The following DST variants were observed in gnomAD, a reference collection of about 807,000 sequenced individuals.
DST encodes the protein dystonin, also known as bullous pemphigoid antigen.
Under a neutral mutation model 875.2 loss-of-function variants are expected in DST, and 253 were observed. That is an observed-to-expected ratio of 0.29 (90% CI 0.26 to 0.32). The LOEUF (loss-of-function observed/expected upper bound fraction) is 0.32. Ranked by LOEUF, DST falls within the 10% of genes least tolerant of loss-of-function variation. The pLI is 1.00. For missense variants in DST, 8,287 were observed against 9,111.6 expected (o/e 0.91, Z 3.68); for synonymous variants, 3,124 against 3,197.1 (o/e 0.98, Z 0.77).
chr6:56,782,692 T>C (rs867345298), intron 4 of DST, among the ~76,000 whole-genome samples: 3 of 152,132 alleles, frequency 2.0e-5, no homozygotes, highest in Admixed American at 6.5e-5. Flanking sequence ...ATTCATTAAT[T>C]TTTTGAAGGG....
At chr6:56,644,640 A>G (rs2098931654) in intron 15 of DST, among the ~76,000 whole-genome samples, 1 of 152,250 alleles carries the variant, frequency 6.6e-6, no homozygotes, top group African/African-American at 2.4e-5. Context: ...ATACATGGAA[A>G]CATGAGAGTT....
At chr6:56,951,507 C>A (rs1822286602) in intron 2 of DST, among the ~76,000 whole-genome samples, 1 of 152,098 alleles carries the variant, frequency 6.6e-6, no homozygotes, top group East Asian at 1.9e-4. Context: ...AGGTATTTCT[C>A]AAAGAGAAAA....
chr6:56,701,718 T>A (rs1447281880), intron 8 of DST, among the ~76,000 whole-genome samples, 170 bp downstream of exon 8: 1 of 152,188 alleles, frequency 6.6e-6, no homozygotes, highest in Admixed American at 6.5e-5. Flanking sequence ...TAACTTCTTT[T>A]CTTGGGAGCA....
At chr6:56,501,356 G>T in intron 79 of DST, 121 bp from the exon 80 acceptor site, 1 of 1,197,624 alleles carries the variant, frequency 8.3e-7, no homozygotes, top group South Asian at 1.8e-5. Flanking sequence ...ATCCAGTGAA[G>T]CCTAATCATC....
At chr6:56,913,889 T>A (rs1024838863) in intron 2 of DST, among the ~76,000 whole-genome samples, 5 of 152,112 alleles carry the variant, frequency 3.3e-5, no homozygotes, top group African/African-American at 1.2e-4. Context: ...AATCTGATGA[T>A]TTTTTTTATA....
At chr6:56,495,541 A>G (rs910105010) in intron 82 of DST, among the ~76,000 whole-genome samples, 2 of 152,030 alleles carry the variant, frequency 1.3e-5, no homozygotes, top group African/African-American at 4.8e-5. Flanking sequence ...CTATCTGTTC[A>G]TGAGTTCATT....
intron 3 of DST, 109 bp from the exon 4 acceptor site, chr6:56,851,713 G>T (rs909293075): frequency 2.0e-5 from 31 of 1,552,200 alleles, no homozygotes; most frequent in Non-Finnish European, 2.6e-5. Flanking sequence ...CCCCAAACTG[G>T]GTCTGGCATA....
chr6:56,573,124 AT>A lies in DST; in HGVS notation c.13237-61del, dbSNP rs149674833. The stretch of plus-strand genomic sequence containing the variant: ...TGATGCTTATAAATAATGTGACAGA[AT>A]TTTTTTAAATGACTATTCCTAACAA... On this transcript the variant is annotated intron_variant, in intron 51 of 103. Coordinates refer to ENST00000680361, the MANE Select transcript of DST (RefSeq NM_001374736.1). The A allele has an allele frequency of 4.2e-4, 567 of 1,363,906 alleles. 1 individual carries two copies. In the African/African-American group the frequency reaches 7.2e-3, roughly 17 times the overall value. 84.5% of individuals were successfully genotyped at this position (1,363,906 alleles called of 1,614,324 possible).
At position 56,476,350 on chromosome 6, in the gene DST, CAG is replaced by C. The variant is rs540330544; in HGVS notation, c.21676-15_21676-14del. On this transcript the variant is annotated splice_polypyrimidine_tract_variant and intron_variant, in intron 91 of 103. Coordinates refer to ENST00000680361, the MANE Select transcript of DST (RefSeq NM_001374736.1). ...CCCAGGCCAGCACCTGTCAGAGAAACAGAAATTTCTCTGAATTTCCTCCAACT... is the reference window on the plus strand; with the variant it reads ...CCCAGGCCAGCACCTGTCAGAGAAACAAATTTCTCTGAATTTCCTCCAACT... 6,958 of 1,534,226 alleles carry C rather than the reference CAG, an allele frequency of 4.5e-3. 21 individuals carry two copies. The highest frequency in any genetic ancestry group is 5.5e-3 in the Non-Finnish European group (6,248 of 1,142,286).
chr6:56,734,928 C>A, intron 5 of DST: 1 of 271,750 alleles, frequency 3.7e-6, no homozygotes, highest in Non-Finnish European at 6.9e-6. Context: ...CATGCACTAA[C>A]ATATAAATAT....
intron 4 of DST, among the ~76,000 whole-genome samples, chr6:56,771,949 C>T (rs1214518232): frequency 6.6e-6 from 1 of 152,132 alleles, no homozygotes; most frequent in Non-Finnish European, 1.5e-5. Context: ...CTCTAAGACA[C>T]AGGCAGAATG....
At chr6:56,585,528 A>T (rs1562989859) in intron 49 of DST, among the ~76,000 whole-genome samples, 2 of 151,462 alleles carry the variant, frequency 1.3e-5, no homozygotes, top group African/African-American at 4.9e-5. Flanking sequence ...AATTTTGTTG[A>T]TCCTTTCAAA....
intron 50 of DST, among the ~76,000 whole-genome samples, chr6:56,575,605 T>C (rs981473091): frequency 5.9e-5 from 9 of 152,196 alleles, no homozygotes; most frequent in Admixed American, 3.3e-4. Flanking sequence ...AAAATTCATA[T>C]ATTGGGGCCA....
intron 9 of DST, chr6:56,692,730 CA>C (rs1407116548): frequency 7.8e-7 from 1 of 1,289,662 alleles, no homozygotes. Flanking sequence ...TCCTTTCATC[CA>C]GTTCACTAAC....
At position 56,607,443 on chromosome 6, in the gene DST, A is replaced by G. The variant is rs538511670; in HGVS notation, c.7185T>C (p.Ser2395=). 1.2e-5 allele frequency: 19 copies of G among 1,607,114 alleles called. No homozygotes were observed. In the Middle Eastern group the frequency reaches 5.0e-4, roughly 42 times the overall value. ...TCATAATAGGATTTTCTATTAAATCACTTGGAAAGTTTTGAATGTTTTTAG... is the reference window on the plus strand; with the variant it reads ...TCATAATAGGATTTTCTATTAAATCGCTTGGAAAGTTTTGAATGTTTTTAG... ...SHSKNIQNFP[S]DLIENPIMKS... The change falls in exon 40 of 104, where the codon AGT becomes AGC. Residue 2395 remains serine, a synonymous_variant. Transcript: ENST00000680361.
intron 2 of DST, among the ~76,000 whole-genome samples, chr6:56,917,348 G>A (rs944761801): frequency 4.6e-5 from 7 of 152,222 alleles, no homozygotes; most frequent in Admixed American, 3.3e-4. Context: ...GCCAACAGGA[G>A]CAGGTTTTAA....
At chr6:56,575,112 G>A (rs1240060232) in intron 50 of DST, among the ~76,000 whole-genome samples, 2 of 152,042 alleles carry the variant, frequency 1.3e-5, no homozygotes, top group Non-Finnish European at 2.9e-5. Context: ...TGGGGAGGGA[G>A]ACAGCATTTA....
intron 9 of DST, among the ~76,000 whole-genome samples, chr6:56,686,991 T>G (rs76404893): frequency 0.012 from 1,813 of 152,302 alleles, 14 homozygotes; most frequent in Non-Finnish European, 0.02. Flanking sequence ...CAACATCTTG[T>G]AAGTTCTCCT....
chr6:56,517,501 CT>C lies in DST; in HGVS notation c.18248del (p.Lys6083ArgfsTer8). On this transcript the variant is annotated frameshift_variant and splice_region_variant, in exon 70 of 104. Transcript: ENST00000680361. LOFTEE classifies it high-confidence loss of function. ...GGCAATTGGAAATGTATTTCTTCAC[CT>C]TTTGAACTTGAAGCTGAGCAGAAGT... ...DQTSAQLQVQ[K>X]TFTMEILRHK... is the part of the protein sequence containing the mutation. The C allele has an allele frequency of 6.2e-7, 1 of 1,611,974 alleles. No homozygotes were observed.
Sources: allele counts gnomAD v4.1 joint callset (sites outside exome capture counted in the v4.1 genomes callset), GRCh38; gene constraint gnomAD v4.1.1; transcripts MANE v1.5; gene names NCBI Gene and HGNC (gene_info 2026-07-23, HGNC 2026-07-21).